The following BCHE variants were observed in gnomAD, a reference collection of about 807,000 sequenced individuals.
The protein encoded by BCHE is butyrylcholinesterase.
In BCHE, 48 loss-of-function variants were observed where a neutral mutation model predicts 51.3. That is an observed-to-expected ratio of 0.94 (90% CI 0.74 to 1.19). BCHE has a LOEUF of 1.19. Among genes scored for constraint, BCHE ranks in the 50% most tolerant of loss-of-function variants. The pLI, the probability that BCHE is intolerant of heterozygous loss-of-function variation, is 0.00. For missense variants in BCHE, 847 were observed against 708.2 expected (o/e 1.20, Z -2.23); for synonymous variants, 251 against 238.0 (o/e 1.05, Z -0.50).
chr3:165,779,907 T>A (rs888794946), intron 3 of BCHE, among the ~76,000 whole-genome samples: 6 of 151,954 alleles, frequency 3.9e-5, no homozygotes, highest in African/African-American at 1.4e-4. Context: ...ATTAGAAAAA[T>A]CTACTTTAAA....
intron 2 of BCHE, among the ~76,000 whole-genome samples, 184 bp from the exon 3 acceptor site, chr3:165,786,495 T>C (rs1010126913): frequency 2.0e-5 from 3 of 151,914 alleles, no homozygotes; most frequent in Non-Finnish European, 4.4e-5. Context: ...AGAACCACTA[T>C]GTTATTTAAA....
rs1430550587 is a variant in BCHE at position 165,773,323 on chromosome 3, C to T, written c.*59G>A. ...TTTTTAGTAGGTGTGTAAAAAAGCTCCTGATATTTTTGCCTTGATCTAAAG... is the reference window on the plus strand; with the variant it reads ...TTTTTAGTAGGTGTGTAAAAAAGCTTCTGATATTTTTGCCTTGATCTAAAG... On this transcript the variant is annotated 3_prime_UTR_variant, in exon 4 of 4. Transcript: ENST00000264381. 2.0e-6 allele frequency: 3 copies of T among 1,518,018 alleles called. No individual in the cohort carries two copies. The South Asian group carries it at 3.5e-5, about 18-fold the overall frequency. The allele number at this position is 1,518,018 out of a possible 1,614,324, so 94.0% of individuals were successfully genotyped here.
rs56325145 is a variant in BCHE, at chr3:165,773,520, A to G, written c.1685-14T>C. 2.7e-4 allele frequency: 436 copies of G among 1,600,072 alleles called. No individual in the cohort carries two copies. The highest frequency in any genetic ancestry group is 3.1e-4 in the Non-Finnish European group (364 of 1,168,748). On this transcript the variant is annotated splice_polypyrimidine_tract_variant and intron_variant, in intron 3 of 3. Transcript: ENST00000264381. ...CATCAATATTTCCTGTAAAATATGG[A>G]ATAAGTTGTATTAATCAAAATTTTT...
At chr3:165,777,745 CCA>C (rs780064625) in intron 3 of BCHE, 2 of 447,436 alleles carry the variant, frequency 4.5e-6, no homozygotes, top group South Asian at 3.1e-5. Flanking sequence ...CTCTGTCAAT[CCA>C]GAGACAGCGA....
intron 3 of BCHE, among the ~76,000 whole-genome samples, chr3:165,782,490 T>G (rs943336166): frequency 4.2e-4 from 23 of 55,168 alleles, no homozygotes; most frequent in South Asian, 1.2e-3. Flanking sequence ...TATTGTCACA[T>G]TTGGAAAAAA....
intron 3 of BCHE, among the ~76,000 whole-genome samples, chr3:165,776,964 TA>T (rs1255048884): frequency 1.3e-5 from 2 of 151,530 alleles, no homozygotes; most frequent in Non-Finnish European, 3.0e-5. Flanking sequence ...TAAAATACGG[TA>T]ATATAGAGAA....
chr3:165,815,882 CAGGTTGCT>C (rs1714296225), intron 2 of BCHE, among the ~76,000 whole-genome samples: 1 of 151,734 alleles, frequency 6.6e-6, no homozygotes, highest in African/African-American at 2.4e-5. Context: ...CTACTTATAC[CAGGTTGCT>C]TATGAGAAGT....
In BCHE at chr3:165,830,825, C is replaced by T. The variant is rs745482371; in HGVS notation, c.209G>A (p.Arg70Gln). 3.1e-6 allele frequency: 5 copies of T among 1,613,744 alleles called. No individual in the cohort carries two copies. Among genetic ancestry groups the T allele is most frequent in the South Asian group, 1.1e-5 (1 of 91,052 alleles). Residue 70 changes from arginine to glutamine, a missense_variant, in exon 2 of 4, where the codon CGA becomes CAA. Physicochemically the swap from Arg to Gln is conservative, Grantham distance 43 (BLOSUM62 1). Transcript: ENST00000264381. The part of the protein sequence containing the change: ...PYAQPPLGRL[R>Q]FKKPQSLTKW... ...GGTCAGAGACTGTGGCTTTTTGAAT[C>T]GAAGTCTACCAAGAGGTGGCTGTGC...
At chr3:165,787,161 A>G (rs973502673) in intron 2 of BCHE, among the ~76,000 whole-genome samples, 2 of 151,774 alleles carry the variant, frequency 1.3e-5, no homozygotes, top group African/African-American at 4.8e-5. Context: ...TTATTTGAAA[A>G]TGAATAACTG....
intron 3 of BCHE, among the ~76,000 whole-genome samples, chr3:165,776,561 A>G (rs1348376025): frequency 6.6e-6 from 1 of 151,958 alleles, no homozygotes; most frequent in East Asian, 1.9e-4. Flanking sequence ...TGGAGGCTTG[A>G]TACTAAATTC....
intron 2 of BCHE, among the ~76,000 whole-genome samples, chr3:165,825,006 A>G (rs1490188645): frequency 1.3e-5 from 2 of 152,022 alleles, no homozygotes; most frequent in Non-Finnish European, 2.9e-5. Context: ...TAAAATAGAC[A>G]TAACTGTTTT....
intron 3 of BCHE, among the ~76,000 whole-genome samples, chr3:165,785,230 T>G (rs1255483344): frequency 2.0e-5 from 3 of 151,850 alleles, no homozygotes; most frequent in Non-Finnish European, 3.0e-5. Context: ...ATATACAGCC[T>G]GAAAATTACA....
chr3:165,802,708 T>C (rs1560011901), intron 2 of BCHE, among the ~76,000 whole-genome samples: 1 of 151,946 alleles, frequency 6.6e-6, no homozygotes, highest in Non-Finnish European at 1.5e-5. Context: ...TTTAATGTCA[T>C]AGAAATAAAT....
chr3:165,822,939 G>A (rs555232672), intron 2 of BCHE, among the ~76,000 whole-genome samples: 16 of 152,010 alleles, frequency 1.1e-4, no homozygotes, highest in Admixed American at 2.0e-4. Flanking sequence ...TTCTTGGATG[G>A]GTGATTGGTA....
intron 2 of BCHE, among the ~76,000 whole-genome samples, chr3:165,789,485 T>C (rs1713088054): frequency 6.6e-6 from 1 of 152,160 alleles, no homozygotes; most frequent in Non-Finnish European, 1.5e-5. Flanking sequence ...ATTCTTGGAA[T>C]TATAGAATCC....
At chr3:165,799,982 A>T (rs534095292) in intron 2 of BCHE, among the ~76,000 whole-genome samples, 3 of 151,034 alleles carry the variant, frequency 2.0e-5, no homozygotes, top group African/African-American at 7.3e-5. Flanking sequence ...AAAGTGTTAC[A>T]ATGTCCCATT....
intron 2 of BCHE, among the ~76,000 whole-genome samples, chr3:165,816,966 T>C (rs948632866): frequency 6.6e-6 from 1 of 152,130 alleles, no homozygotes; most frequent in African/African-American, 2.4e-5. Flanking sequence ...CAATAAAAAT[T>C]TAAATATGAA....
chr3:165,802,996 C>T (rs1693385513), intron 2 of BCHE, among the ~76,000 whole-genome samples: 1 of 152,088 alleles, frequency 6.6e-6, no homozygotes, highest in Non-Finnish European at 1.5e-5. Flanking sequence ...CCGCCTGCCT[C>T]CCAAAGTGCT....
intron 1 of BCHE, among the ~76,000 whole-genome samples, chr3:165,834,820 G>C (rs1341498448): frequency 6.6e-6 from 1 of 151,212 alleles, no homozygotes; most frequent in Admixed American, 6.6e-5. Flanking sequence ...TAAGTTTTAG[G>C]GTACATGTGC....
Sources: allele counts gnomAD v4.1 joint callset (sites outside exome capture counted in the v4.1 genomes callset), GRCh38; gene constraint gnomAD v4.1.1; transcripts MANE v1.5; gene names NCBI Gene and HGNC (gene_info 2026-07-23, HGNC 2026-07-21).